The following CEP72 variants were observed in gnomAD, a reference collection of about 807,000 sequenced individuals.
The protein encoded by CEP72 is centrosomal protein 72, also known as centrosomal protein of 72 kDa.
In CEP72, 78 loss-of-function variants were observed where a neutral mutation model predicts 65.7. The observed-to-expected ratio is 1.19, with a 90% CI of 0.99 to 1.43. CEP72 has a LOEUF of 1.43. CEP72 is among the 40% of genes most tolerant of loss of function. The pLI is 0.00. For synonymous variants in CEP72, 358 were observed against 351.7 expected, an observed-to-expected ratio of 1.02 and a Z score of -0.20; for missense variants, 914 against 832.9, an observed-to-expected ratio of 1.10 and a Z score of -1.20.
intron 2 of CEP72, chr5:665,036 G>T: frequency 6.5e-7 from 1 of 1,537,776 alleles, no homozygotes. Flanking sequence ...GGAATGTAAT[G>T]AAGTGCGAGG....
At chr5:656,663 T>G (rs1177759282), downstream of CEP72, among the ~76,000 whole-genome samples, 1 of 152,266 alleles carries the variant, frequency 6.6e-6, no homozygotes, top group African/African-American at 2.4e-5. Flanking sequence ...TGCCTGTAGC[T>G]GTTTCCTCAT....
chr5:655,103 G>A (rs1039945141), downstream of CEP72, among the ~76,000 whole-genome samples: 12 of 152,132 alleles, frequency 7.9e-5, no homozygotes, highest in Admixed American at 2.6e-4. The surrounding 1 kb of genome is among the most constrained non-coding windows in gnomAD (Gnocchi z 5.0). Flanking sequence ...GGCTCACACC[G>A]TAATCCCAGC....
intron 9 of CEP72, chr5:641,113 G>A (rs77097527): frequency 0.051 from 50,557 of 985,348 alleles, 1,426 homozygotes; most frequent in Non-Finnish European, 0.057. Flanking sequence ...CCCTCCTTCC[G>A]TCTCAGCCGT....
At chr5:632,805 G>T (rs576422217) in intron 4 of CEP72, among the ~76,000 whole-genome samples, 1 of 54,048 alleles carries the variant, frequency 1.9e-5, no homozygotes, top group Admixed American at 1.8e-4. Flanking sequence ...GTCCAGCGCC[G>T]GGATTTGGCC....
At chr5:671,455 G>C (rs1740221670), downstream of CEP72, among the ~76,000 whole-genome samples, 1 of 152,218 alleles carries the variant, frequency 6.6e-6, no homozygotes, top group Non-Finnish European at 1.5e-5. Flanking sequence ...CCTGAAGTCA[G>C]TTTCTGGCTG....
At chr5:635,113 G>T (rs1737497437) in intron 5 of CEP72, among the ~76,000 whole-genome samples, 1 of 152,082 alleles carries the variant, frequency 6.6e-6, no homozygotes, top group Non-Finnish European at 1.5e-5. Context: ...GCATCATTTT[G>T]TCTGACTTTG....
chr5:660,204 C>T (rs56041816), downstream of CEP72: 1 of 145,508 alleles, frequency 6.9e-6, no homozygotes, highest in African/African-American at 2.5e-5. Flanking sequence ...ATATATTGCA[C>T]ATATATATAT....
chr5:619,888 G>A (rs555019851), intron 2 of CEP72, among the ~76,000 whole-genome samples, 181 bp from the exon 3 acceptor site: 3 of 152,280 alleles, frequency 2.0e-5, no homozygotes, highest in Non-Finnish European at 4.4e-5. Context: ...CCGTCTCACC[G>A]CGTGGGGCCC....
chr5:620,860 G>C (rs916905491), intron 3 of CEP72, among the ~76,000 whole-genome samples: 2 of 152,196 alleles, frequency 1.3e-5, no homozygotes, highest in Non-Finnish European at 2.9e-5. Context: ...GGCAGCCGCA[G>C]GTCACCTTCC....
Position 666,129 on chromosome 5 carries a change from G to GGGGCACAGGCGACTGA in CEP72, n.592+44_592+45insGAGGGCACAGGCGACT, listed in dbSNP as rs1739900609. 3 of 1,606,620 alleles carry GGGGCACAGGCGACTGA rather than the reference G, an allele frequency of 1.9e-6. No homozygotes were observed. In the East Asian group the frequency reaches 6.7e-5, roughly 36 times the overall value. The stretch of plus-strand genomic sequence containing the variant: ...TGGTCCGGCAAGACTTCCCTCTACA[G>GGGGCACAGGCGACTGA]GGGCACAGGCGACTTAGGGCTGGGC... On this transcript the variant is annotated intron_variant and non_coding_transcript_variant, in intron 4 of 4. Transcript: ENST00000514507.
chr5:647,562 G>A (rs1347259069), intron 10 of CEP72, among the ~76,000 whole-genome samples: 2 of 152,240 alleles, frequency 1.3e-5, no homozygotes, highest in South Asian at 2.1e-4. Context: ...GGCTCCATGG[G>A]GGCCTGTGGA....
At chr5:642,373 T>G (rs1182874440) in intron 9 of CEP72, 1 of 985,304 alleles carries the variant, frequency 1.0e-6, no homozygotes. Flanking sequence ...GCCTCTATAT[T>G]TAAACACGTG....
At chr5:642,284 G>A (rs940387656) in intron 9 of CEP72, 2 of 984,056 alleles carry the variant, frequency 2.0e-6, no homozygotes, top group African/African-American at 1.7e-5. Flanking sequence ...TCCTCTGGAA[G>A]CCTCTGTATT....
At chr5:628,582 C>G (rs111919621) in intron 4 of CEP72, among the ~76,000 whole-genome samples, 579 of 103,320 alleles carry the variant, frequency 5.6e-3, no homozygotes, top group African/African-American at 0.025. Context: ...AGGACCCAGC[C>G]CCCTTCTTTG....
intron 11 of CEP72, among the ~76,000 whole-genome samples, chr5:651,297 G>T (rs1444345596): frequency 9.5e-6 from 1 of 105,214 alleles, no homozygotes; most frequent in Non-Finnish European, 2.0e-5. Flanking sequence ...ACTGTGAGGT[G>T]TGACTGTGAG....
At chr5:675,517 G>A in the CEP72 span, among the ~76,000 whole-genome samples, 1 of 146,398 alleles carries the variant, frequency 6.8e-6, no homozygotes, top group African/African-American at 2.5e-5. Context: ...AGTGTGACCA[G>A]GGGTGCAGTG....
At chr5:621,487 T>G (rs1490546577) in intron 3 of CEP72, among the ~76,000 whole-genome samples, 1 of 152,244 alleles carries the variant, frequency 6.6e-6, no homozygotes. Context: ...CTGCCCGTTG[T>G]GGGCGTCGGG....
chr5:666,110 G>T (rs748214010), intron 4 of CEP72: 1 of 1,568,098 alleles, frequency 6.4e-7, no homozygotes, highest in East Asian at 2.3e-5. Flanking sequence ...GTGATGGTCC[G>T]GCAAGACTTC....
chr5:623,863 G>A lies in CEP72; in HGVS notation c.404-608G>A, dbSNP rs549600975. On this transcript the variant is annotated intron_variant, in intron 3 of 11. Coordinates refer to ENST00000264935, the MANE Select transcript of CEP72 (RefSeq NM_018140.4). This position sits in a 1 kb window ranked among gnomAD's most constrained non-coding sequence, Gnocchi z 5.3. ...ACAGTGATTCTGTAGTTTTTGGGGC[G>A]TGCTGTAGGCTAAATGGAGGCAGCG... Among the ~76,000 whole-genome samples the A allele has an allele frequency of 2.2e-4, 34 of 152,262 alleles. 1 individual carries two copies. The South Asian group carries it at 6.8e-3, about 31-fold the overall frequency.
Sources: allele counts gnomAD v4.1 joint callset (sites outside exome capture counted in the v4.1 genomes callset), GRCh38; gene constraint gnomAD v4.1.1; non-coding constraint Gnocchi (gnomAD v3.1); transcripts MANE v1.5; gene names NCBI Gene and HGNC (gene_info 2026-07-23, HGNC 2026-07-21).